The following GPR89A variants were observed in gnomAD, a reference collection of about 807,000 sequenced individuals.
GPR89A encodes G protein-coupled receptor 89A.
GPR89A carries 16 observed loss-of-function variants against 52.0 expected under a neutral mutation model. The ratio of observed to expected loss-of-function variants is 0.31; its 90% CI spans 0.21 to 0.47. GPR89A has a LOEUF of 0.47. GPR89A is among the 20% of genes least tolerant of loss of function. The probability of loss-of-function intolerance (pLI) is 1.00; values close to 1 mark genes in which losing one functional copy is unlikely to be tolerated. For synonymous variants in GPR89A, 55 were observed against 150.9 expected, an observed-to-expected ratio of 0.36 and a Z score of 4.66; for missense variants, 135 against 449.4, an observed-to-expected ratio of 0.30 and a Z score of 6.33.
At chr1:145,624,527 TAC>T (rs1379757558) in intron 5 of GPR89A, among the ~76,000 whole-genome samples, 1 of 150,868 alleles carries the variant, frequency 6.6e-6, no homozygotes, top group East Asian at 1.9e-4. Context: ...TATATATATA[TAC>T]CTCTTTATTC....
Position 145,659,044 on chromosome 1 carries a change from T to G in GPR89A, c.910-4285T>G, listed in dbSNP as rs1652005551. The stretch of plus-strand genomic sequence containing the variant: ...CACTAGCCTCGGCCTCCCAAAGTGC[T>G]GGGATTATATCCGTGAGCCACCATG... On this transcript the variant is annotated intron_variant, in intron 10 of 13. Transcript: ENST00000313835. Among the ~76,000 whole-genome samples, 9 of 152,260 alleles carry G rather than the reference T, an allele frequency of 5.9e-5. No individual in the cohort carries two copies. The South Asian group carries it at 1.9e-3, about 32-fold the overall frequency.
intron 1 of GPR89A, among the ~76,000 whole-genome samples, chr1:145,609,859 A>G (rs1559018654): frequency 6.6e-6 from 1 of 152,164 alleles, no homozygotes; most frequent in Non-Finnish European, 1.5e-5. Context: ...CTGTTCAGAT[A>G]TTTATGTGGC....
intron 10 of GPR89A, among the ~76,000 whole-genome samples, chr1:145,661,316 G>T: frequency 1.4e-5 from 1 of 72,934 alleles, no homozygotes; most frequent in Non-Finnish European, 2.5e-5. Context: ...TGGGGTGGGG[G>T]GAGGGGGGAG....
In GPR89A at chr1:145,664,091, T is replaced by TA. The variant is rs1652392549; in HGVS notation, c.1005+668dup. ...CACTTTAATAGTAAGACCAATGTCA[T>TA]ATTCTTAGTCCCAGTGTAGGCCATT... On this transcript the variant is annotated intron_variant, in intron 11 of 13. Coordinates refer to ENST00000313835, the MANE Select transcript of GPR89A (RefSeq NM_001097612.2). Among the ~76,000 whole-genome samples the TA allele has an allele frequency of 2.7e-5, 4 of 150,332 alleles. No individual in the cohort carries two copies. The South Asian group carries it at 8.6e-4, about 32-fold the overall frequency.
intron 10 of GPR89A, among the ~76,000 whole-genome samples, chr1:145,662,377 C>T (rs587623415): frequency 5.2e-4 from 79 of 152,116 alleles, no homozygotes; most frequent in African/African-American, 1.8e-3. Flanking sequence ...GCTATGAAAT[C>T]TACTTTGTCC....
At chr1:145,655,206 A>G (rs77016741) in intron 10 of GPR89A, among the ~76,000 whole-genome samples, 41 of 151,838 alleles carry the variant, frequency 2.7e-4, no homozygotes, top group Non-Finnish European at 4.3e-4. Context: ...ATGTTTTATC[A>G]TGGTTCTTGG....
At chr1:145,641,698 A>G (rs1285222776) in intron 7 of GPR89A, among the ~76,000 whole-genome samples, 1 of 152,138 alleles carries the variant, frequency 6.6e-6, no homozygotes, top group African/African-American at 2.4e-5. Flanking sequence ...AGCCAAGTGC[A>G]TATGTTTTTC....
At chr1:145,636,864 C>T (rs1553690858) in intron 7 of GPR89A, among the ~76,000 whole-genome samples, 1 of 152,108 alleles carries the variant, frequency 6.6e-6, no homozygotes, top group East Asian at 1.9e-4. Context: ...AGCCACCACC[C>T]CCCCTGCCAG....
chr1:145,620,711 G>A (rs370938941), intron 3 of GPR89A, among the ~76,000 whole-genome samples: 63 of 150,794 alleles, frequency 4.2e-4, no homozygotes, highest in Non-Finnish European at 8.0e-4. Flanking sequence ...ACTCAGAATC[G>A]TTTTGAAAAG....
intron 5 of GPR89A, among the ~76,000 whole-genome samples, chr1:145,626,658 C>G (rs1406212219): frequency 1.3e-5 from 2 of 150,136 alleles, no homozygotes; most frequent in African/African-American, 2.4e-5. Context: ...GTGGTGACCA[C>G]AAAAAAATGG....
intron 1 of GPR89A, among the ~76,000 whole-genome samples, chr1:145,614,438 T>C (rs587727486): frequency 3.3e-5 from 5 of 152,296 alleles, no homozygotes; most frequent in African/African-American, 1.2e-4. Context: ...CATCTTTGTA[T>C]CCTCAGCACT....
At chr1:145,624,127 TCAGATTTGGGTAG>T (rs1214339624) in intron 5 of GPR89A, among the ~76,000 whole-genome samples, 5 of 114,728 alleles carry the variant, frequency 4.4e-5, no homozygotes, top group Admixed American at 3.9e-4. Flanking sequence ...TAAACTTTTA[TCAGATTTGGGTAG>T]CAGATTTGGG....
chr1:145,613,087 ATCTG>A (rs1648417537), intron 1 of GPR89A, among the ~76,000 whole-genome samples: 1 of 151,164 alleles, frequency 6.6e-6, no homozygotes, highest in Admixed American at 6.6e-5. Flanking sequence ...TGCCTTCACA[ATCTG>A]TCTTTTATTC....
intron 1 of GPR89A, chr1:145,612,098 T>G (rs1482008035): frequency 6.6e-6 from 1 of 152,084 alleles, no homozygotes; most frequent in Non-Finnish European, 1.5e-5. Context: ...TTATTCCTTT[T>G]CTTGACCTTA....
intron 1 of GPR89A, among the ~76,000 whole-genome samples, chr1:145,614,407 G>C (rs1192951793): frequency 6.6e-6 from 1 of 152,016 alleles, no homozygotes; most frequent in African/African-American, 2.4e-5. Flanking sequence ...TGAGCTCCTA[G>C]AGGGTAGTAA....
chr1:145,666,536 C>G (rs1652559201), intron 12 of GPR89A, among the ~76,000 whole-genome samples: 1 of 151,680 alleles, frequency 6.6e-6, no homozygotes, highest in African/African-American at 2.4e-5. Flanking sequence ...TAAGTAAGGA[C>G]CTACTGAATT....
chr1:145,623,228 A>G (rs1306414765), intron 4 of GPR89A, 68 bp downstream of exon 4: 1 of 1,550,400 alleles, frequency 6.4e-7, no homozygotes, highest in Non-Finnish European at 8.7e-7. Flanking sequence ...TAAATTGTGG[A>G]TAGCTTCATT....
chr1:145,667,218 C>G (rs1190738354), intron 12 of GPR89A, among the ~76,000 whole-genome samples: 1 of 152,216 alleles, frequency 6.6e-6, no homozygotes, highest in South Asian at 2.1e-4. Flanking sequence ...TAAAAGTGTT[C>G]CTGTTTCTCC....
chr1:145,653,175 C>T (rs1237491780), intron 10 of GPR89A, among the ~76,000 whole-genome samples: 6 of 150,908 alleles, frequency 4.0e-5, no homozygotes, highest in Non-Finnish European at 7.4e-5. Context: ...GGTATGTTGT[C>T]TCTTTGTTCT....
Sources: allele counts gnomAD v4.1 joint callset (sites outside exome capture counted in the v4.1 genomes callset), GRCh38; gene constraint gnomAD v4.1.1; transcripts MANE v1.5; gene names NCBI Gene and HGNC (gene_info 2026-07-23, HGNC 2026-07-21).